Variants in BARD1 observed in about 807,000 individuals in gnomAD.
The protein encoded by BARD1 is BRCA1 associated RING domain 1.
Under a neutral mutation model 77.0 loss-of-function variants are expected in BARD1, and 73 were observed. That is an observed-to-expected ratio of 0.95 (90% CI 0.79 to 1.15). The LOEUF (loss-of-function observed/expected upper bound fraction) is 1.15. Ranked by LOEUF, BARD1 falls within the 50% of genes most tolerant of loss-of-function variation. The pLI is 0.00. For missense variants in BARD1, 993 were observed against 938.8 expected, an observed-to-expected ratio of 1.06 and a Z score of -0.75; for synonymous variants, 384 against 338.0, an observed-to-expected ratio of 1.14 and a Z score of -1.49.
intron 10 of BARD1, among the ~76,000 whole-genome samples, chr2:214,729,783 T>C (rs943902699): frequency 2.6e-5 from 4 of 152,148 alleles, no homozygotes; most frequent in Non-Finnish European, 5.9e-5. Flanking sequence ...ATCTTTTCCG[T>C]GGACTTTTAT....
At chr2:214,738,155 C>T (rs77451393) in intron 9 of BARD1, among the ~76,000 whole-genome samples, 5,163 of 152,132 alleles carry the variant, frequency 0.034, 162 homozygotes, top group East Asian at 0.086. Flanking sequence ...TCATATGTTC[C>T]TTTATAGTTG....
intron 1 of BARD1, among the ~76,000 whole-genome samples, chr2:214,804,835 C>T (rs1379747691): frequency 6.6e-6 from 1 of 152,190 alleles, no homozygotes; most frequent in Non-Finnish European, 1.5e-5. Flanking sequence ...CCCATCACCC[C>T]AGCTCCCTGC....
rs140871742 is a variant in BARD1 at position 214,790,815 on chromosome 2, A to G, written c.364+1482T>C. Among the ~76,000 whole-genome samples, 735 of 152,248 alleles carry G rather than the reference A, an allele frequency of 4.8e-3. 6 individuals are homozygous for G. Among genetic ancestry groups the G allele is most frequent in the African/African-American group, 0.016 (670 of 41,556 alleles). ...TTTCACACAAACATGAACAGTTTTCATACTGCACAATTAACTCAAGAAGCT... is the reference window on the plus strand; with the variant it reads ...TTTCACACAAACATGAACAGTTTTCGTACTGCACAATTAACTCAAGAAGCT... On this transcript the variant is annotated intron_variant, in intron 3 of 10. Transcript: ENST00000260947.
At chr2:214,773,162 A>G (rs1256055342) in intron 4 of BARD1, among the ~76,000 whole-genome samples, 3 of 152,222 alleles carry the variant, frequency 2.0e-5, no homozygotes, top group Non-Finnish European at 4.4e-5. Context: ...TTCCAACAAT[A>G]TAAATTAACT....
At chr2:214,751,183 A>G in intron 7 of BARD1, among the ~76,000 whole-genome samples, 1 of 59,092 alleles carries the variant, frequency 1.7e-5, no homozygotes, top group Non-Finnish European at 3.6e-5. Flanking sequence ...TTTTTGAGAC[A>G]GTCTTGTTCT....
chr2:214,790,309 G>A (rs1695458371), intron 3 of BARD1, among the ~76,000 whole-genome samples: 1 of 152,220 alleles, frequency 6.6e-6, no homozygotes, highest in African/African-American at 2.4e-5. Context: ...CAGTAACTTA[G>A]AATGTGACTT....
rs370131098 is a variant in BARD1, at chr2:214,781,807, A to G, written c.365-298T>C. Reference sequence around the variant, plus strand: ...ATAAAATACAAATCTAACAGAATGTATAAGTTCTGTTTGCTAAGAATTACA... The same window carrying G: ...ATAAAATACAAATCTAACAGAATGTGTAAGTTCTGTTTGCTAAGAATTACA... On this transcript the variant is annotated intron_variant, in intron 3 of 10. Transcript: ENST00000260947. 1.7e-3 allele frequency among the ~76,000 whole-genome samples: 258 copies of G among 152,328 alleles called. 2 individuals carry two copies. The highest frequency in any genetic ancestry group is 2.9e-3 in the Non-Finnish European group (200 of 68,024).
intron 7 of BARD1, among the ~76,000 whole-genome samples, chr2:214,749,479 T>C (rs1347556650): frequency 1.3e-5 from 2 of 152,154 alleles, no homozygotes; most frequent in Non-Finnish European, 2.9e-5. Context: ...GCCCAAAGTA[T>C]AGGTCTCTTC....
chr2:214,764,533 G>A (rs1180028460), intron 6 of BARD1, among the ~76,000 whole-genome samples: 2 of 152,104 alleles, frequency 1.3e-5, no homozygotes, highest in African/African-American at 4.8e-5. Flanking sequence ...AAAAGCTGGT[G>A]CAAAAAATGC....
chr2:214,767,084 T>G (rs1694237115), intron 6 of BARD1, among the ~76,000 whole-genome samples: 1 of 152,216 alleles, frequency 6.6e-6, no homozygotes, highest in Non-Finnish European at 1.5e-5. Context: ...TATTTGGTTT[T>G]CTGTTCATGC....
At chr2:214,774,258 C>T (rs1311469398) in intron 4 of BARD1, among the ~76,000 whole-genome samples, 1 of 152,152 alleles carries the variant, frequency 6.6e-6, no homozygotes, top group African/African-American at 2.4e-5. Context: ...TTTGGACATC[C>T]TCCCATGAAT....
intron 1 of BARD1, among the ~76,000 whole-genome samples, chr2:214,807,421 A>T (rs936742956): frequency 3.3e-5 from 5 of 152,216 alleles, no homozygotes; most frequent in Non-Finnish European, 7.3e-5. Flanking sequence ...ATATATTCAT[A>T]TATATTATCT....
chr2:214,797,022 A>C (rs766767489), intron 2 of BARD1, 39 bp downstream of exon 2: 1 of 1,479,022 alleles, frequency 6.8e-7, no homozygotes, highest in Non-Finnish European at 9.5e-7. Context: ...CTAGTAAAAA[A>C]TACAGTTGTA....
intron 7 of BARD1, among the ~76,000 whole-genome samples, chr2:214,748,434 A>C (rs549491061): frequency 3.9e-5 from 6 of 152,266 alleles, no homozygotes; most frequent in Admixed American, 3.9e-4. Flanking sequence ...CATTAGCATT[A>C]AATTCAAAGG....
At position 214,726,315 on chromosome 2, in the gene BARD1, T is replaced by C. The variant is rs538492554; in HGVS notation, c.*2361A>G. On this transcript the variant is annotated 3_prime_UTR_variant, in exon 11 of 11. Coordinates refer to ENST00000260947, the MANE Select transcript of BARD1 (RefSeq NM_000465.4). The stretch of plus-strand genomic sequence containing the variant: ...TGTCAAGGAAAAAGGGAAACAGTTA[T>C]AAATTCAAGTAGAACTAGAAAATAG... 2.0e-5 allele frequency: 4 copies of C among 200,104 alleles called. No homozygotes were observed. The East Asian group carries it at 3.1e-4, about 16-fold the overall frequency. 12.4% of individuals were successfully genotyped at this position (200,104 alleles called of 1,614,324 possible). A position where few individuals can be genotyped will look rare whatever the true frequency, so the allele number is the denominator to read the frequency against.
intron 9 of BARD1, among the ~76,000 whole-genome samples, chr2:214,733,996 C>T (rs1692466176): frequency 2.0e-5 from 3 of 152,088 alleles, no homozygotes; most frequent in African/African-American, 7.2e-5. Context: ...CTTAAAATGG[C>T]TAACCTTTCA....
At chr2:214,802,606 C>G (rs534466677) in intron 1 of BARD1, among the ~76,000 whole-genome samples, 36 of 152,224 alleles carry the variant, frequency 2.4e-4, no homozygotes, top group Non-Finnish European at 4.0e-4. Context: ...CCATTACCTA[C>G]CTAGCATGGT....
chr2:214,745,120 G>T lies in BARD1; in HGVS notation c.1850C>A (p.Thr617Asn). The change falls in exon 9 of 11, where the codon ACC becomes AAC. Residue 617 changes from threonine to asparagine, a missense_variant. Coordinates refer to ENST00000260947, the MANE Select transcript of BARD1 (RefSeq NM_000465.4). ...GAGAATCCCAAGCATACACTTCAAG[G>T]TACTTTGAACTGCATCACCAGGAAC... is the stretch of plus-strand genomic sequence containing the variant. ...VVVPGDAVQS[T>N]LKCMLGILNG... 6.2e-7 allele frequency: 1 copy of T among 1,613,896 alleles called. No individual in the cohort carries two copies. Among genetic ancestry groups the T allele is most frequent in the Non-Finnish European group, 8.5e-7 (1 of 1,179,950 alleles).
intron 3 of BARD1, among the ~76,000 whole-genome samples, chr2:214,784,595 C>G (rs1695186085): frequency 6.6e-6 from 1 of 152,142 alleles, no homozygotes; most frequent in African/African-American, 2.4e-5. Context: ...TATTGTAGCA[C>G]TGTTCACAAT....
Sources: gnomAD v4.1 joint callset for allele counts (sites outside exome capture counted in the v4.1 genomes callset) on GRCh38, gnomAD v4.1.1 for gene constraint, MANE v1.5 for transcripts, NCBI Gene and HGNC (gene_info 2026-07-23, HGNC 2026-07-21) for gene names.